The following CADM1 variants were observed in gnomAD, a reference collection of about 807,000 sequenced individuals.
CADM1 encodes the protein TSLC-1.
A neutral mutation model predicts 53.1 loss-of-function variants in CADM1; 15 were observed. The observed-to-expected ratio is 0.28, with a 90% CI of 0.19 to 0.44. The LOEUF (loss-of-function observed/expected upper bound fraction) is 0.44. Among genes scored for constraint, CADM1 ranks in the 20% least tolerant of loss-of-function variants. The pLI, the probability that CADM1 is intolerant of heterozygous loss-of-function variation, is 1.00. For synonymous variants in CADM1, 281 were observed against 243.0 expected (o/e 1.16, Z -1.45); for missense variants, 434 against 611.3 (o/e 0.71, Z 3.06).
chr11:115,452,080 CT>C (rs1565434809), intron 1 of CADM1, among the ~76,000 whole-genome samples: 1 of 134,192 alleles, frequency 7.5e-6, no homozygotes, highest in Non-Finnish European at 1.5e-5. Flanking sequence ...ACTCCATTTA[CT>C]TGTTAACTAT....
intron 1 of CADM1, among the ~76,000 whole-genome samples, chr11:115,376,580 G>GA (rs932492758): frequency 6.6e-6 from 1 of 152,114 alleles, no homozygotes; most frequent in African/African-American, 2.4e-5. Context: ...GTTTCAAGAT[G>GA]AAAAAATAAA....
At chr11:115,323,350 T>C (rs969166939) in intron 1 of CADM1, among the ~76,000 whole-genome samples, 5 of 152,200 alleles carry the variant, frequency 3.3e-5, no homozygotes, top group Non-Finnish European at 5.9e-5. Flanking sequence ...AAGCCACTGA[T>C]GTATTTTCTT....
At chr11:115,306,384 A>T (rs1044205831) in intron 1 of CADM1, among the ~76,000 whole-genome samples, 1 of 152,020 alleles carries the variant, frequency 6.6e-6, no homozygotes. Context: ...ATGTTCACAC[A>T]ATGACAAAAT....
At chr11:115,414,443 C>G (rs1947539905) in intron 1 of CADM1, among the ~76,000 whole-genome samples, 1 of 152,082 alleles carries the variant, frequency 6.6e-6, no homozygotes, top group Non-Finnish European at 1.5e-5. Flanking sequence ...CTTTGTAGGT[C>G]TCTGGACGAT....
intron 1 of CADM1, among the ~76,000 whole-genome samples, chr11:115,489,929 A>G (rs1324336626): frequency 6.6e-6 from 1 of 152,184 alleles, no homozygotes; most frequent in African/African-American, 2.4e-5. Flanking sequence ...GAGGCATGGG[A>G]GAGCATGGTG....
chr11:115,337,931 C>T (rs749433649), intron 1 of CADM1, among the ~76,000 whole-genome samples: 1 of 152,150 alleles, frequency 6.6e-6, no homozygotes, highest in Non-Finnish European at 1.5e-5. Context: ...TGAATTTTGA[C>T]TCCGGCTTTT....
At chr11:115,275,169 C>T (rs1024076444) in intron 1 of CADM1, among the ~76,000 whole-genome samples, 3 of 152,206 alleles carry the variant, frequency 2.0e-5, no homozygotes, top group Admixed American at 6.5e-5. Flanking sequence ...GGCCCCTCCC[C>T]GTGGGAGCCA....
At chr11:115,405,590 GAATA>G (rs764136498) in intron 1 of CADM1, among the ~76,000 whole-genome samples, 13 of 152,126 alleles carry the variant, frequency 8.5e-5, no homozygotes, top group East Asian at 7.7e-4. Flanking sequence ...ATCAACAGGA[GAATA>G]AATAAATAAA....
intron 10 of CADM1, among the ~76,000 whole-genome samples, chr11:115,181,042 G>A (rs1939285727): frequency 6.6e-6 from 1 of 151,998 alleles, no homozygotes; most frequent in African/African-American, 2.4e-5. Context: ...AGAACAGAGA[G>A]AAGCTTCGAG....
At chr11:115,285,636 T>C (rs186818412) in intron 1 of CADM1, among the ~76,000 whole-genome samples, 14 of 152,362 alleles carry the variant, frequency 9.2e-5, no homozygotes, top group African/African-American at 3.4e-4. Context: ...TGTTTTCATA[T>C]ATTTCATTTA....
intron 9 of CADM1, among the ~76,000 whole-genome samples, chr11:115,194,926 C>T: frequency 6.6e-6 from 1 of 152,210 alleles, no homozygotes; most frequent in East Asian, 1.9e-4. Context: ...AACATAATGA[C>T]TACACCATCC....
At chr11:115,222,803 C>T (rs913296236) in intron 5 of CADM1, among the ~76,000 whole-genome samples, 4 of 152,156 alleles carry the variant, frequency 2.6e-5, no homozygotes, top group African/African-American at 4.8e-5. Flanking sequence ...TGGCAGAAAG[C>T]TTTGTTCCCA....
intron 1 of CADM1, among the ~76,000 whole-genome samples, chr11:115,301,337 C>A (rs1253723140): frequency 6.6e-6 from 1 of 152,016 alleles, no homozygotes; most frequent in African/African-American, 2.4e-5. Flanking sequence ...ATAGGCATGA[C>A]AGTAATGAGA....
intron 1 of CADM1, among the ~76,000 whole-genome samples, chr11:115,301,397 A>G (rs1329086001): frequency 6.6e-6 from 1 of 152,120 alleles, no homozygotes; most frequent in Non-Finnish European, 1.5e-5. Context: ...AATGGTTTCC[A>G]GTTGAGATGT....
intron 1 of CADM1, among the ~76,000 whole-genome samples, chr11:115,364,836 A>C (rs923118973): frequency 6.6e-6 from 1 of 152,218 alleles, no homozygotes; most frequent in Non-Finnish European, 1.5e-5. Flanking sequence ...TAAAACGAAC[A>C]ATTCAGAACT....
chr11:115,241,433 G>A (rs1198330130), intron 1 of CADM1, among the ~76,000 whole-genome samples: 1 of 152,200 alleles, frequency 6.6e-6, no homozygotes, highest in Admixed American at 6.5e-5. Flanking sequence ...CAAAAAGTGT[G>A]GTATAGGCAG....
intron 1 of CADM1, among the ~76,000 whole-genome samples, chr11:115,369,343 C>T (rs1946256201): frequency 6.6e-6 from 1 of 152,134 alleles, no homozygotes; most frequent in Admixed American, 6.5e-5. Context: ...AATTTTTAAA[C>T]TCTCCTAGGA....
rs1938718041 is a variant in CADM1, at chr11:115,169,413, C to G, written c.*7061G>C. 2.9e-6 allele frequency: 1 copy of G among 350,334 alleles called. No individual in the cohort carries two copies. The highest frequency in any genetic ancestry group is 2.1e-5 in the African/African-American group (1 of 46,626). The allele number at this position is 350,334 out of a possible 1,614,324, so 21.7% of individuals were successfully genotyped here. A position where few individuals can be genotyped will look rare whatever the true frequency, so the allele number is the denominator to read the frequency against. ...ATTTCTGGCTGTGTTAAGAATCAAG[C>G]CATCAAGAACAGCTGTGAATGTTAT... On this transcript the variant is annotated 3_prime_UTR_variant, in exon 12 of 12. Transcript: ENST00000331581.
intron 1 of CADM1, among the ~76,000 whole-genome samples, chr11:115,289,387 TC>T (rs1296054057): frequency 6.6e-6 from 1 of 151,516 alleles, no homozygotes; most frequent in African/African-American, 2.4e-5. Context: ...AATAAATAAA[TC>T]AAGTTATTTA....
Sources: allele counts gnomAD v4.1 joint callset (sites outside exome capture counted in the v4.1 genomes callset), GRCh38; gene constraint gnomAD v4.1.1; transcripts MANE v1.5; gene names NCBI Gene and HGNC (gene_info 2026-07-23, HGNC 2026-07-21).